The following SCG5 variants were observed in gnomAD, a reference collection of about 807,000 sequenced individuals.
The protein encoded by SCG5 is neuroendocrine protein 7B2.
A neutral mutation model predicts 25.7 loss-of-function variants in SCG5; 18 were observed. The observed-to-expected ratio is 0.70, with a 90% CI of 0.48 to 1.04. The LOEUF is 1.04. SCG5 is among the 50% of genes least tolerant of loss of function. The pLI, the probability that SCG5 is intolerant of heterozygous loss-of-function variation, is 0.00. For missense variants in SCG5, 206 were observed against 259.8 expected (o/e 0.79, Z 1.42); for synonymous variants, 101 against 91.7 (o/e 1.10, Z -0.58).
rs190810799 is a variant in SCG5, at chr15:32,694,123, A to G, written c.543+2360A>G. 1.9e-3 allele frequency among the ~76,000 whole-genome samples: 291 copies of G among 152,294 alleles called. 2 individuals are homozygous for G. Among genetic ancestry groups the G allele is most frequent in the African/African-American group, 6.9e-3 (285 of 41,562 alleles). ...AGACTCCATCTCAAAACAAAGCAAA[A>G]CAAAACAAAAACAAACCCAAAGCTC... On this transcript the variant is annotated intron_variant, in intron 5 of 5. Transcript: ENST00000300175.
intron 3 of SCG5, among the ~76,000 whole-genome samples, chr15:32,681,724 AT>A (rs983744241): frequency 6.6e-6 from 1 of 152,020 alleles, no homozygotes; most frequent in Admixed American, 6.6e-5. Flanking sequence ...TGCTGGGATT[AT>A]GGGTGTGAGC....
chr15:32,661,057 C>T (rs1045988878), intron 2 of SCG5, among the ~76,000 whole-genome samples: 4 of 152,172 alleles, frequency 2.6e-5, no homozygotes, highest in East Asian at 1.9e-4. Context: ...TTTGTATCTA[C>T]TATGTGCCAA....
At chr15:32,646,122 G>C (rs1351335245) in intron 2 of SCG5, among the ~76,000 whole-genome samples, 1 of 152,206 alleles carries the variant, frequency 6.6e-6, no homozygotes, top group Non-Finnish European at 1.5e-5. Flanking sequence ...GCCTAACATA[G>C]CAATCTTAAG....
intron 2 of SCG5, among the ~76,000 whole-genome samples, chr15:32,670,222 C>A (rs2054396401): frequency 6.6e-6 from 1 of 152,242 alleles, no homozygotes; most frequent in Non-Finnish European, 1.5e-5. Flanking sequence ...TGCTTATCTG[C>A]CAACAGGCTC....
chr15:32,644,308 C>A (rs771758246), intron 2 of SCG5, among the ~76,000 whole-genome samples: 1 of 152,292 alleles, frequency 6.6e-6, no homozygotes, highest in Non-Finnish European at 1.5e-5. Context: ...CCTACAGGAT[C>A]TGACTTGATT....
chr15:32,652,999 A>C (rs2140509300), intron 2 of SCG5, among the ~76,000 whole-genome samples: 1 of 152,380 alleles, frequency 6.6e-6, no homozygotes, highest in Middle Eastern at 3.4e-3. Flanking sequence ...GAACAAAAAT[A>C]GAAAATAATC....
intron 2 of SCG5, among the ~76,000 whole-genome samples, chr15:32,676,264 G>A (rs1300406592): frequency 1.3e-5 from 2 of 152,150 alleles, no homozygotes; most frequent in Non-Finnish European, 2.9e-5. Flanking sequence ...TCTGCTTAGT[G>A]CTAAACATCT....
chr15:32,682,660 C>T (rs185081855), intron 3 of SCG5, among the ~76,000 whole-genome samples: 25 of 152,334 alleles, frequency 1.6e-4, no homozygotes, highest in African/African-American at 5.8e-4. Flanking sequence ...CTAACATATT[C>T]CCTCATTCTT....
intron 1 of SCG5, among the ~76,000 whole-genome samples, chr15:32,642,447 A>G (rs1019625016): frequency 1.3e-5 from 2 of 151,708 alleles, no homozygotes; most frequent in African/African-American, 4.8e-5. Flanking sequence ...GGGCGCCTGT[A>G]ATTCCAGCTA....
intron 4 of SCG5, among the ~76,000 whole-genome samples, chr15:32,690,638 T>C (rs2054833990): frequency 6.6e-6 from 1 of 152,210 alleles, no homozygotes. Context: ...CATTGTAAAT[T>C]GCAGGTGGGG....
chr15:32,652,113 C>T (rs2054041457), intron 2 of SCG5, among the ~76,000 whole-genome samples: 1 of 152,134 alleles, frequency 6.6e-6, no homozygotes, highest in Admixed American at 6.5e-5. Context: ...AAATAGTGTT[C>T]TGAGAAGGGG....
chr15:32,671,183 A>G (rs1301874912), intron 2 of SCG5, among the ~76,000 whole-genome samples: 1 of 152,226 alleles, frequency 6.6e-6, no homozygotes, highest in Non-Finnish European at 1.5e-5. Context: ...ACAGGAAGCT[A>G]TAAAAGCCTC....
chr15:32,686,651 A>G (rs2054718070), intron 4 of SCG5, among the ~76,000 whole-genome samples: 1 of 152,020 alleles, frequency 6.6e-6, no homozygotes, highest in African/African-American at 2.4e-5. Context: ...GAAGAGATCC[A>G]CAAGAGGTGA....
At chr15:32,684,850 G>C (rs2054677486) in intron 4 of SCG5, among the ~76,000 whole-genome samples, 181 bp downstream of exon 4, 1 of 152,190 alleles carries the variant, frequency 6.6e-6, no homozygotes, top group Non-Finnish European at 1.5e-5. Context: ...TATGTGTCCA[G>C]GCAGCACTAT....
intron 3 of SCG5, 189 bp from the exon 4 acceptor site, chr15:32,684,368 G>A (rs2054667830): frequency 1.2e-5 from 7 of 581,320 alleles, no homozygotes; most frequent in Non-Finnish European, 2.1e-5. Flanking sequence ...TCTCTGCACA[G>A]GAGTGGGAGT....
chr15:32,694,555 A>G (rs1213311837), intron 5 of SCG5, among the ~76,000 whole-genome samples: 1 of 152,244 alleles, frequency 6.6e-6, no homozygotes, highest in African/African-American at 2.4e-5. Flanking sequence ...CCTTTAACAT[A>G]TTAGAATTTT....
At chr15:32,668,088 A>G (rs1258948919) in intron 2 of SCG5, among the ~76,000 whole-genome samples, 1 of 152,202 alleles carries the variant, frequency 6.6e-6, no homozygotes. Context: ...AAAGGGTTGT[A>G]GAGGATTTAG....
chr15:32,684,541 C>A lies in SCG5; in HGVS notation c.377-16C>A, dbSNP rs1350601662. On this transcript the variant is annotated splice_polypyrimidine_tract_variant and intron_variant, in intron 3 of 5. Transcript: ENST00000300175. Reference sequence around the variant, plus strand: ...AATGTCTTGGCCGTTCCTCAAAAACCTTTGGCTGTTTGCAGCAGATGATGG... The same window carrying A: ...AATGTCTTGGCCGTTCCTCAAAAACATTTGGCTGTTTGCAGCAGATGATGG... 3.2e-6 allele frequency: 5 copies of A among 1,555,252 alleles called. No homozygotes were observed. In the East Asian group the frequency reaches 1.1e-4, roughly 35 times the overall value.
At chr15:32,696,471 A>C (rs1485227143) in intron 5 of SCG5, 43 bp from the exon 6 acceptor site, 1 of 1,380,880 alleles carries the variant, frequency 7.2e-7, no homozygotes, top group Non-Finnish European at 1.0e-6. Context: ...TGATGTTCAC[A>C]TATAACACCA....
Sources: allele counts gnomAD v4.1 joint callset (sites outside exome capture counted in the v4.1 genomes callset), GRCh38; gene constraint gnomAD v4.1.1; transcripts MANE v1.5; gene names NCBI Gene and HGNC (gene_info 2026-07-23, HGNC 2026-07-21).